The following GABRG1 variants were observed in gnomAD, a reference collection of about 807,000 sequenced individuals.
The protein encoded by GABRG1 is gamma-aminobutyric acid receptor subunit gamma-1.
A neutral mutation model predicts 49.8 loss-of-function variants in GABRG1; 49 were observed. That is an observed-to-expected ratio of 0.98 (90% CI 0.78 to 1.25). The LOEUF is 1.25. GABRG1 is among the 50% of genes most tolerant of loss of function. The pLI, the probability that GABRG1 is intolerant of heterozygous loss-of-function variation, is 0.00. For missense variants in GABRG1, 552 were observed against 552.3 expected (o/e 1.00, Z 0.01); for synonymous variants, 232 against 185.1 (o/e 1.25, Z -2.06).
chr4:46,040,993 A>C lies in GABRG1; in HGVS notation c.1393T>G (p.Leu465Val), dbSNP rs760636625. Reference protein sequence around the residue: ...NLVYWVGYLYL With the variant: ...NLVYWVGYLYV ...TTTTGCTTATGAAGTAGATTTTATA[A>C]GTAAAGATAGCCAACCCAATAAACC... Residue 465 changes from leucine (L) to valine (V), a missense_variant, in exon 9 of 9, where the codon TTA (leucine) becomes GTA (valine). By Grantham distance (32) the Leu-to-Val change is conservative. Coordinates refer to ENST00000295452, the MANE Select transcript of GABRG1 (RefSeq NM_173536.4). The C allele has an allele frequency of 6.2e-7, 1 of 1,608,254 alleles. No individual in the cohort carries two copies. The highest frequency in any genetic ancestry group is 2.2e-5 in the East Asian group (1 of 44,788).
At chr4:46,085,909 A>AC (rs913264128) in intron 2 of GABRG1, among the ~76,000 whole-genome samples, 3 of 151,596 alleles carry the variant, frequency 2.0e-5, no homozygotes, top group Non-Finnish European at 4.4e-5. Context: ...AAACTAGAAA[A>AC]ATAAAACTAA....
chr4:46,096,757 C>T (rs1389198912), intron 2 of GABRG1, among the ~76,000 whole-genome samples: 2 of 151,556 alleles, frequency 1.3e-5, no homozygotes, highest in Admixed American at 1.3e-4. Context: ...TAGAGATTAC[C>T]TTTCCAGATA....
chr4:46,102,563 C>T (rs992092831), intron 1 of GABRG1, among the ~76,000 whole-genome samples: 28 of 151,630 alleles, frequency 1.8e-4, no homozygotes, highest in African/African-American at 6.8e-4. Context: ...TTCTCTCTTA[C>T]AAGTCTAAGG....
chr4:46,104,303 AATC>A (rs2109435852), intron 1 of GABRG1, among the ~76,000 whole-genome samples: 1 of 151,652 alleles, frequency 6.6e-6, no homozygotes, highest in Admixed American at 6.6e-5. Flanking sequence ...ATAATGATGT[AATC>A]ATCAACTGTC....
intron 8 of GABRG1, 21 bp from the exon 9 acceptor site, chr4:46,041,275 A>G: frequency 6.2e-7 from 1 of 1,603,138 alleles, no homozygotes. Context: ...TAATAAATGA[A>G]TTTTTGACAT....
At position 46,120,868 on chromosome 4, in the gene GABRG1, G is replaced by A. The variant is rs570032137; in HGVS notation, c.104+2942C>T. On this transcript the variant is annotated intron_variant, in intron 1 of 8. Transcript: ENST00000295452. The stretch of plus-strand genomic sequence containing the variant: ...TAACTCTTAGTCAAGGCTTATTGTA[G>A]GTTACTTTTGGTAACAGCTAAAATA... Among the ~76,000 whole-genome samples the A allele has an allele frequency of 5.9e-5, 9 of 151,596 alleles. No homozygotes were observed. In the South Asian group the frequency reaches 1.7e-3, roughly 28 times the overall value.
At chr4:46,050,072 T>C (rs1488200497) in intron 8 of GABRG1, among the ~76,000 whole-genome samples, 1 of 151,922 alleles carries the variant, frequency 6.6e-6, no homozygotes, top group African/African-American at 2.4e-5. Context: ...AGAAGATGCA[T>C]GGCTTTGATG....
intron 8 of GABRG1, among the ~76,000 whole-genome samples, chr4:46,048,881 A>G (rs1718107439): frequency 6.6e-6 from 1 of 151,892 alleles, no homozygotes; most frequent in Admixed American, 6.6e-5. Flanking sequence ...TTGTTCAAGT[A>G]TTATCTCTTC....
At chr4:46,051,377 TA>T in intron 8 of GABRG1, 46 bp downstream of exon 8, 1 of 1,357,396 alleles carries the variant, frequency 7.4e-7, no homozygotes, top group Non-Finnish European at 1.0e-6. Context: ...AGAGTATCTC[TA>T]AGTAAGTTGA....
chr4:46,091,249 C>T (rs985815372), intron 2 of GABRG1, among the ~76,000 whole-genome samples: 5 of 151,968 alleles, frequency 3.3e-5, no homozygotes, highest in South Asian at 2.1e-4. Flanking sequence ...AAGGAAATTA[C>T]GCTAGTTCTG....
intron 7 of GABRG1, among the ~76,000 whole-genome samples, chr4:46,057,505 TATC>T (rs1428023083): frequency 6.6e-6 from 1 of 152,136 alleles, no homozygotes; most frequent in Non-Finnish European, 1.5e-5. Flanking sequence ...GATTGCAGGT[TATC>T]ATTTTCTTTT....
chr4:46,116,002 T>G (rs910185659), intron 1 of GABRG1, among the ~76,000 whole-genome samples: 1 of 150,886 alleles, frequency 6.6e-6, no homozygotes, highest in Admixed American at 6.6e-5. Context: ...GATTTGAAAT[T>G]TTTGTAGCTT....
chr4:46,072,693 T>C (rs551693501), intron 3 of GABRG1, among the ~76,000 whole-genome samples: 9 of 147,330 alleles, frequency 6.1e-5, no homozygotes, highest in Admixed American at 3.4e-4. Context: ...TGAATGACCA[T>C]GAAATCTGAA....
chr4:46,077,448 A>C (rs1368324199), intron 3 of GABRG1, among the ~76,000 whole-genome samples: 1 of 151,988 alleles, frequency 6.6e-6, no homozygotes, highest in Non-Finnish European at 1.5e-5. Context: ...ACTAGATATA[A>C]TATTTCAGGA....
At chr4:46,078,776 T>G (rs2109419327) in intron 3 of GABRG1, among the ~76,000 whole-genome samples, 1 of 152,110 alleles carries the variant, frequency 6.6e-6, no homozygotes, top group African/African-American at 2.4e-5. Context: ...TAGATTTTGG[T>G]CAAATATTGA....
chr4:46,117,550 GTCTCTCTC>G (rs373546541), intron 1 of GABRG1, among the ~76,000 whole-genome samples: 2 of 116,680 alleles, frequency 1.7e-5, no homozygotes, highest in African/African-American at 3.0e-5. Flanking sequence ...TGTTATCTCT[GTCTCTCTC>G]TCTCTCTCTC....
chr4:46,092,064 A>ATT (rs1250993291), intron 2 of GABRG1, among the ~76,000 whole-genome samples: 2 of 152,054 alleles, frequency 1.3e-5, no homozygotes, highest in Non-Finnish European at 2.9e-5. Flanking sequence ...TTCCATATCG[A>ATT]TTGGAAATAT....
intron 3 of GABRG1, among the ~76,000 whole-genome samples, chr4:46,066,611 A>T (rs1388056867): frequency 6.6e-6 from 1 of 152,190 alleles, no homozygotes; most frequent in East Asian, 1.9e-4. Context: ...AATGGTGGTT[A>T]TAGTGAAGTC....
chr4:46,076,362 C>CATATATATAT lies in GABRG1; in HGVS notation c.321+7614_321+7623dup, dbSNP rs1203391424. 1.5e-4 allele frequency among the ~76,000 whole-genome samples: 12 copies of CATATATATAT among 78,702 alleles called. 1 individual carries two copies. Among genetic ancestry groups the CATATATATAT allele is most frequent in the South Asian group, 6.1e-4 (1 of 1,632 alleles). The allele number at this position is 78,702 out of a possible 152,430, so 51.6% of individuals were successfully genotyped here. On this transcript the variant is annotated intron_variant, in intron 3 of 8. Coordinates refer to ENST00000295452, the MANE Select transcript of GABRG1 (RefSeq NM_173536.4). The stretch of plus-strand genomic sequence containing the variant: ...ACCTAAATTTATCTTAGGTCATGTT[C>CATATATATAT]ATATATATATATATATATATATATA...
Sources: gnomAD v4.1 joint callset for allele counts (sites outside exome capture counted in the v4.1 genomes callset) on GRCh38, gnomAD v4.1.1 for gene constraint, MANE v1.5 for transcripts, NCBI Gene and HGNC (gene_info 2026-07-23, HGNC 2026-07-21) for gene names.